Variants in BCKDHB observed in about 807,000 individuals in gnomAD.
The protein encoded by BCKDHB is branched chain keto acid dehydrogenase E1 subunit beta, also known as 2-oxoisovalerate dehydrogenase subunit beta, mitochondrial.
Under a neutral mutation model 48.5 loss-of-function variants are expected in BCKDHB, and 41 were observed. The ratio of observed to expected loss-of-function variants is 0.85; its 90% CI spans 0.66 to 1.10. The LOEUF (loss-of-function observed/expected upper bound fraction) is 1.10. Among genes scored for constraint, BCKDHB ranks in the 50% least tolerant of loss-of-function variants. The pLI, the probability that BCKDHB is intolerant of heterozygous loss-of-function variation, is 0.00. For missense variants in BCKDHB, 496 were observed against 494.2 expected, an observed-to-expected ratio of 1.00 and a Z score of -0.03; for synonymous variants, 201 against 174.8, an observed-to-expected ratio of 1.15 and a Z score of -1.18.
intron 3 of BCKDHB, among the ~76,000 whole-genome samples, chr6:80,137,912 C>A (rs1167507223): frequency 6.6e-6 from 1 of 151,634 alleles, no homozygotes; most frequent in Non-Finnish European, 1.5e-5. Context: ...AGCAAGATGA[C>A]CCCACCCCTA....
intron 8 of BCKDHB, among the ~76,000 whole-genome samples, chr6:80,269,376 C>G (rs1030103365): frequency 6.6e-6 from 1 of 152,058 alleles, no homozygotes; most frequent in Admixed American, 6.6e-5. Context: ...AAACTGCGAG[C>G]CTTTCAGGAC....
chr6:80,273,297 A>G, intron 9 of BCKDHB, 76 bp downstream of exon 9: 1 of 1,222,524 alleles, frequency 8.2e-7, no homozygotes, highest in Non-Finnish European at 1.2e-6. Context: ...TAAATTACTT[A>G]TCACAATATG....
At chr6:80,228,834 C>T (rs1318306927) in intron 8 of BCKDHB, among the ~76,000 whole-genome samples, 1 of 152,152 alleles carries the variant, frequency 6.6e-6, no homozygotes, top group Admixed American at 6.6e-5. Context: ...GAAGTTTGTT[C>T]TTCTCTCTGC....
intron 9 of BCKDHB, among the ~76,000 whole-genome samples, chr6:80,279,102 C>G (rs543517491): frequency 7.3e-4 from 111 of 152,130 alleles, no homozygotes; most frequent in African/African-American, 2.7e-3. Context: ...TCAACTTTTT[C>G]TGGACCTTTT....
At chr6:80,170,015 T>G (rs1232867783) in intron 5 of BCKDHB, 3 of 1,105,218 alleles carry the variant, frequency 2.7e-6, no homozygotes, top group African/African-American at 1.6e-5. Flanking sequence ...TCTCTTTTCC[T>G]CCTTCATTTT....
intron 8 of BCKDHB, among the ~76,000 whole-genome samples, chr6:80,237,550 A>T (rs1162676054): frequency 6.6e-6 from 1 of 152,200 alleles, no homozygotes; most frequent in African/African-American, 2.4e-5. Flanking sequence ...TATGTGTCAG[A>T]TACCTTGTTA....
intron 9 of BCKDHB, among the ~76,000 whole-genome samples, chr6:80,282,737 C>G (rs1344341642): frequency 6.6e-6 from 1 of 151,908 alleles, no homozygotes; most frequent in Non-Finnish European, 1.5e-5. Context: ...GGAAAAGAAA[C>G]TTGCACTATA....
intron 9 of BCKDHB, among the ~76,000 whole-genome samples, chr6:80,308,415 C>A (rs1767980876): frequency 6.6e-6 from 1 of 152,024 alleles, no homozygotes; most frequent in Admixed American, 6.6e-5. Flanking sequence ...CAAAAATACC[C>A]CTAAACATTT....
the BCKDHB span, among the ~76,000 whole-genome samples, chr6:80,411,992 A>G: frequency 6.6e-6 from 1 of 152,144 alleles, no homozygotes; most frequent in Non-Finnish European, 1.5e-5. Context: ...CAGTGAGATG[A>G]ACAAGGTACC....
rs755910041 is a variant in BCKDHB, at chr6:80,129,141, A to G, written c.275-20A>G. ...TAGAGATTATTAAATAAAATGTATT[A>G]TTTAAATACTGTTTTTCAGTAATAT... On this transcript the variant is annotated intron_variant, in intron 2 of 9. Coordinates refer to ENST00000320393, the MANE Select transcript of BCKDHB (RefSeq NM_183050.4). 4.5e-6 allele frequency: 7 copies of G among 1,540,962 alleles called. No homozygotes were observed. The East Asian group carries it at 9.0e-5, about 20-fold the overall frequency.
At chr6:80,441,381 G>A in the BCKDHB span, among the ~76,000 whole-genome samples, 1 of 152,010 alleles carries the variant, frequency 6.6e-6, no homozygotes, top group African/African-American at 2.4e-5. Context: ...CCAAACTCTG[G>A]AGAGCTCAAA....
the BCKDHB span, chr6:80,356,778 C>G: frequency 6.6e-6 from 1 of 152,028 alleles, no homozygotes; most frequent in Middle Eastern, 3.4e-3. Flanking sequence ...GTCCAAGCAC[C>G]AGTATTAAAG....
At chr6:80,398,905 G>C in the BCKDHB span, among the ~76,000 whole-genome samples, 1 of 152,140 alleles carries the variant, frequency 6.6e-6, no homozygotes, top group Non-Finnish European at 1.5e-5. Context: ...CCACGATCAA[G>C]TAGGCTTTAT....
At chr6:80,119,242 C>CGAAT (rs1289090163) in intron 1 of BCKDHB, among the ~76,000 whole-genome samples, 4 of 151,976 alleles carry the variant, frequency 2.6e-5, no homozygotes, top group Admixed American at 1.3e-4. Context: ...ATAAAATGAA[C>CGAAT]GAATGAATGA....
chr6:80,128,620 C>G (rs961282490), intron 2 of BCKDHB, among the ~76,000 whole-genome samples: 13 of 152,080 alleles, frequency 8.5e-5, no homozygotes, highest in African/African-American at 3.1e-4. Flanking sequence ...CTTCTGATGG[C>G]TTACTTACTG....
At chr6:80,107,520 T>TATATATGCAC (rs1334468937) in intron 1 of BCKDHB, among the ~76,000 whole-genome samples, 54 of 131,686 alleles carry the variant, frequency 4.1e-4, no homozygotes, top group South Asian at 1.2e-3. Flanking sequence ...TGCGCATATA[T>TATATATGCAC]ATATATATGC....
At chr6:80,227,691 G>A (rs1307260366) in intron 8 of BCKDHB, among the ~76,000 whole-genome samples, 1 of 152,156 alleles carries the variant, frequency 6.6e-6, no homozygotes, top group African/African-American at 2.4e-5. Flanking sequence ...TCTTAGGTAT[G>A]TGACCGTAAA....
At chr6:80,364,981 C>T in the BCKDHB span, among the ~76,000 whole-genome samples, 56,232 of 151,976 alleles carry the variant, frequency 0.37, 12,021 homozygotes, top group East Asian at 0.66. Context: ...CCCGCCTGAG[C>T]CTCAAAACCA....
rs1769925147 is a variant in BCKDHB, at chr6:80,120,106, G to C, written c.197-7441G>C. The stretch of plus-strand genomic sequence containing the variant: ...ATTTCCCACTTATGAGTGAGAACAT[G>C]TGGTGTTTGGTTTTCTGTCCTTGTG... On this transcript the variant is annotated intron_variant, in intron 1 of 9. Transcript: ENST00000320393. Among the ~76,000 whole-genome samples, 3 of 152,154 alleles carry C rather than the reference G, an allele frequency of 2.0e-5. No homozygotes were observed. The South Asian group carries it at 6.2e-4, about 32-fold the overall frequency.
Sources: allele counts gnomAD v4.1 joint callset (sites outside exome capture counted in the v4.1 genomes callset), GRCh38; gene constraint gnomAD v4.1.1; transcripts MANE v1.5; gene names NCBI Gene and HGNC (gene_info 2026-07-23, HGNC 2026-07-21).